CT47C1: variants seen among roughly 807,000 people sequenced by gnomAD.
CT47C1 encodes cancer/testis antigen family 47 member A11 pseudogene.
chrX:119,075,731 C>CTTTTTTTTTTT, the CT47C1 span, among the ~76,000 whole-genome samples: 1 of 87,157 alleles, frequency 1.1e-5, no homozygotes, highest in Non-Finnish European at 2.4e-5. Context: ...TTTCTTTTTT[C>CTTTTTTTTTTT]TTTTTTTTTT....
chrX:119,076,295 T>TA, the CT47C1 span: 1 of 112,814 alleles, frequency 8.9e-6, no homozygotes, highest in Non-Finnish European at 1.9e-5. Context: ...TGATATCTAG[T>TA]GACATCTAAC....
At chrX:119,075,195 C>A in the CT47C1 span, 3 of 984,878 alleles carry the variant, frequency 3.0e-6, no homozygotes, top group South Asian at 2.3e-5. Context: ...AATAAAATTC[C>A]CAGTAAATTA....
At chrX:119,074,817 G>C in the CT47C1 span, 3 of 749,824 alleles carry the variant, frequency 4.0e-6, no homozygotes, top group Non-Finnish European at 5.7e-6. Context: ...CCAGTAGGAA[G>C]GTGCCCAGCT....
the CT47C1 span, chrX:119,073,815 C>T: frequency 2.3e-6 from 2 of 875,816 alleles, no homozygotes; most frequent in Non-Finnish European, 1.7e-6. Context: ...CAGGAGGCCG[C>T]GTTGGTCCCA....
At chrX:119,073,591 A>T in the CT47C1 span, 1 of 537,017 alleles carries the variant, frequency 1.9e-6, no homozygotes, top group Non-Finnish European at 3.4e-6. Context: ...ACCCCATAAG[A>T]GGCTTTCGCA....
At chrX:119,073,317 G>C in the CT47C1 span, 3 of 512,038 alleles carry the variant, frequency 5.9e-6, no homozygotes, top group Admixed American at 2.6e-5. Flanking sequence ...GTAGGTGACC[G>C]GGAGGGCGGT....
the CT47C1 span, chrX:119,074,877 A>G: frequency 5.5e-6 from 5 of 913,983 alleles, no homozygotes; most frequent in Non-Finnish European, 7.7e-6. Flanking sequence ...AGGGTGGAGT[A>G]CTGGGTGCCG....
chrX:119,073,693 G>A, the CT47C1 span: 108 of 650,764 alleles, frequency 1.7e-4, no homozygotes, highest in African/African-American at 2.1e-3. Context: ...GCCTGATGCG[G>A]AGGCGCCGCA....
the CT47C1 span, chrX:119,073,829 C>T: frequency 1.4e-5 from 12 of 877,832 alleles, no homozygotes; most frequent in Admixed American, 1.3e-4. Flanking sequence ...GGTCCCAGAG[C>T]CTGAGGTGCC....
chrX:119,076,713 C>T, the CT47C1 span, among the ~76,000 whole-genome samples: 461 of 112,193 alleles, frequency 4.1e-3, 3 homozygotes, highest in African/African-American at 0.014. Flanking sequence ...TAATGATTTT[C>T]ATACTGATTA....
At chrX:119,073,767 G>A in the CT47C1 span, 3 of 819,052 alleles carry the variant, frequency 3.7e-6, no homozygotes, top group African/African-American at 4.0e-5. Flanking sequence ...CTGGGCGTGG[G>A]GGCCGCGGGT....
the CT47C1 span, chrX:119,075,019 G>C: frequency 1.8e-6 from 2 of 1,082,169 alleles, no homozygotes; most frequent in South Asian, 3.7e-5. Flanking sequence ...TGCAGGCAAG[G>C]AAGAGAAAGA....
At chrX:119,074,204 G>A in the CT47C1 span, 1 of 392,636 alleles carries the variant, frequency 2.5e-6, no homozygotes. Context: ...GCCTCGGGTG[G>A]TGAAGTGGGG....
chrX:119,073,813 C>T, the CT47C1 span: 12 of 872,609 alleles, frequency 1.4e-5, no homozygotes, highest in African/African-American at 9.8e-5. Context: ...TCCAGGAGGC[C>T]GCGTTGGTCC....
the CT47C1 span, chrX:119,075,182 T>C: frequency 9.9e-7 from 1 of 1,007,553 alleles, no homozygotes; most frequent in Non-Finnish European, 1.3e-6. Flanking sequence ...AGTTTTATTT[T>C]AAAATAAAAT....
chrX:119,073,780 TGAGGGC>T, the CT47C1 span: 2 of 842,606 alleles, frequency 2.4e-6, no homozygotes, highest in Non-Finnish European at 3.4e-6. Context: ...CCGCGGGTCC[TGAGGGC>T]GAGGGCCTGG....
chrX:119,073,164 A>G, the CT47C1 span: 3 of 444,314 alleles, frequency 6.8e-6, no homozygotes, highest in Admixed American at 3.7e-5. Context: ...ATCAGTGGCC[A>G]CCGTCTTCAC....
the CT47C1 span, chrX:119,075,115 A>G: frequency 1.9e-6 from 2 of 1,080,859 alleles, no homozygotes; most frequent in South Asian, 1.8e-5. Context: ...AAATCCAGGT[A>G]TCGGTGTATA....
chrX:119,073,706 G>C, the CT47C1 span: 3 of 701,467 alleles, frequency 4.3e-6, no homozygotes, highest in Non-Finnish European at 6.3e-6. Context: ...GCGCCGCACT[G>C]CGGCGCCCAG....
Sources: allele counts gnomAD v4.1 joint callset (sites outside exome capture counted in the v4.1 genomes callset), GRCh38; gene constraint gnomAD v4.1.1; transcripts MANE v1.5; gene names NCBI Gene and HGNC (gene_info 2026-07-23, HGNC 2026-07-21).